The following RNF14 variants were observed in gnomAD, a reference collection of about 807,000 sequenced individuals.
The protein encoded by RNF14 is ring finger protein 14, also known as E3 ubiquitin-protein ligase RNF14.
In RNF14, 26 loss-of-function variants were observed where a neutral mutation model predicts 52.6. That is an observed-to-expected ratio of 0.49 (90% CI 0.36 to 0.69). The LOEUF (loss-of-function observed/expected upper bound fraction) is 0.69. Among genes scored for constraint, RNF14 ranks in the 30% least tolerant of loss-of-function variants. The pLI is 0.00. For synonymous variants in RNF14, 194 were observed against 202.0 expected, an observed-to-expected ratio of 0.96 and a Z score of 0.34; for missense variants, 404 against 560.4, an observed-to-expected ratio of 0.72 and a Z score of 2.82.
At chr5:141,979,087 A>C (rs987611864) in intron 5 of RNF14, among the ~76,000 whole-genome samples, 1 of 152,230 alleles carries the variant, frequency 6.6e-6, no homozygotes, top group Non-Finnish European at 1.5e-5. Context: ...TTTACTTTGT[A>C]TATCTGCTAG....
chr5:141,975,924 CAAA>C (rs5871799), intron 4 of RNF14, among the ~76,000 whole-genome samples: 52 of 131,102 alleles, frequency 4.0e-4, no homozygotes, highest in Admixed American at 4.6e-4. Context: ...GACCCTGTCT[CAAA>C]AAAAAAAAAA....
At chr5:141,976,329 A>G (rs141060768) in intron 4 of RNF14, among the ~76,000 whole-genome samples, 5 of 152,312 alleles carry the variant, frequency 3.3e-5, no homozygotes, top group Non-Finnish European at 5.9e-5. Flanking sequence ...GTGCATGCAC[A>G]CACACGCACA....
chr5:141,987,500 G>T (rs1441068964), intron 8 of RNF14, among the ~76,000 whole-genome samples: 1 of 152,164 alleles, frequency 6.6e-6, no homozygotes, highest in East Asian at 1.9e-4. Context: ...TTCTAGGCCA[G>T]TGGGAATGGA....
intron 8 of RNF14, among the ~76,000 whole-genome samples, chr5:141,985,171 G>T (rs1462554922): frequency 6.6e-6 from 1 of 152,140 alleles, no homozygotes; most frequent in East Asian, 1.9e-4. Flanking sequence ...TGAAAGGATA[G>T]GACTATGAAT....
chr5:141,979,544 T>G (rs589674), intron 5 of RNF14, among the ~76,000 whole-genome samples: 130,598 of 152,188 alleles, frequency 0.86, 56,162 homozygotes, highest in East Asian at 0.98. Context: ...GAGCCACTGC[T>G]CCTGGCCAGT....
At chr5:141,963,403 T>A (rs1163415061), upstream of RNF14, among the ~76,000 whole-genome samples, 1 of 151,988 alleles carries the variant, frequency 6.6e-6, no homozygotes, top group Non-Finnish European at 1.5e-5. Flanking sequence ...TTAAGAATTT[T>A]GGTTTGCACA....
At chr5:141,951,738 A>G in the RNF14 span, 1 of 670,618 alleles carries the variant, frequency 1.5e-6, no homozygotes, top group African/African-American at 1.8e-5. Flanking sequence ...GATGGTGCCC[A>G]GTGACAGAGA....
rs1311720866 is a variant in RNF14, at chr5:141,989,674, CAG to C, written c.*1887_*1888del. 3.1e-5 allele frequency: 4 copies of C among 130,636 alleles called. No individual in the cohort carries two copies. Among genetic ancestry groups the C allele is most frequent in the South Asian group, 2.7e-4 (1 of 3,756 alleles). The allele number at this position is 130,636 out of a possible 1,614,324, so 8.1% of individuals were successfully genotyped here. A position where few individuals can be genotyped will look rare whatever the true frequency, so the allele number is the denominator to read the frequency against. Reference sequence around the variant, plus strand: ...CGCCACTGCACTCCAGCCTGAGCGACAGAGCGAGACTCCTTCTCAAAAAAAAA... The same window carrying C: ...CGCCACTGCACTCCAGCCTGAGCGACAGCGAGACTCCTTCTCAAAAAAAAA... On this transcript the variant is annotated 3_prime_UTR_variant, in exon 9 of 9. Coordinates refer to ENST00000394520, the MANE Select transcript of RNF14 (RefSeq NM_004290.5).
intron 7 of RNF14, 136 bp from the exon 8 acceptor site, chr5:141,984,667 G>A (rs1755081180): frequency 2.9e-6 from 2 of 681,334 alleles, no homozygotes; most frequent in Non-Finnish European, 5.0e-6. Flanking sequence ...AGTCATCAGT[G>A]TGTTACATTG....
chr5:141,973,578 T>C lies in RNF14; in HGVS notation c.-6-5T>C. 1.2e-6 allele frequency: 2 copies of C among 1,605,260 alleles called. No individual in the cohort carries two copies. The highest frequency in any genetic ancestry group is 1.7e-6 in the Non-Finnish European group (2 of 1,177,334). On this transcript the variant is annotated splice_polypyrimidine_tract_variant and splice_region_variant and intron_variant, in intron 2 of 8. Transcript: ENST00000394520. The stretch of plus-strand genomic sequence containing the variant: ...TCTGTTCTTAACTGATTTTAATGTT[T>C]TCAGGTCCTTATGTCGTCAGAAGAT...
the RNF14 span, chr5:141,949,382 G>A: frequency 6.4e-7 from 1 of 1,561,492 alleles, no homozygotes; most frequent in Non-Finnish European, 8.7e-7. Context: ...TCTGAAGCTT[G>A]GACACCATGG....
upstream of RNF14, chr5:141,957,708 C>T: frequency 1.2e-6 from 2 of 1,614,134 alleles, no homozygotes; most frequent in Non-Finnish European, 1.7e-6. The surrounding 1 kb of genome is among the most constrained non-coding windows in gnomAD (Gnocchi z 4.3). Context: ...CCTGGGACAG[C>T]TTCCCGATCA....
At chr5:141,972,700 C>A (rs1753888927) in intron 2 of RNF14, among the ~76,000 whole-genome samples, 1 of 152,122 alleles carries the variant, frequency 6.6e-6, no homozygotes, top group Non-Finnish European at 1.5e-5. Flanking sequence ...AAGCAGTTCT[C>A]CTGCCTCAAC....
At chr5:141,951,506 G>T in the RNF14 span, 2 of 1,613,938 alleles carry the variant, frequency 1.2e-6, no homozygotes, top group African/African-American at 1.3e-5. Flanking sequence ...CTGCCTCCTG[G>T]CTTGGCCAAG....
chr5:141,979,679 C>G (rs748837727), intron 5 of RNF14, among the ~76,000 whole-genome samples: 3 of 152,148 alleles, frequency 2.0e-5, no homozygotes, highest in Non-Finnish European at 4.4e-5. Flanking sequence ...AGGAGGATCG[C>G]TTGAGGCTAG....
At chr5:141,963,684 T>C (rs1278081127), upstream of RNF14, among the ~76,000 whole-genome samples, 1 of 152,212 alleles carries the variant, frequency 6.6e-6, no homozygotes, top group Non-Finnish European at 1.5e-5. Context: ...ACAAGGTCAT[T>C]TTTTTGGCAA....
At chr5:141,977,177 C>T (rs1161743217) in intron 4 of RNF14, among the ~76,000 whole-genome samples, 2 of 152,242 alleles carry the variant, frequency 1.3e-5, no homozygotes, top group East Asian at 3.8e-4. Flanking sequence ...ACACAGCACT[C>T]ATAGCTTCCC....
the RNF14 span, chr5:141,951,390 G>A: frequency 1.3e-5 from 11 of 844,576 alleles, no homozygotes; most frequent in Admixed American, 3.7e-5. Flanking sequence ...CCAGGGGACC[G>A]GTGTCTGACT....
upstream of RNF14, among the ~76,000 whole-genome samples, chr5:141,954,112 T>G (rs1262177460): frequency 9.4e-6 from 1 of 106,156 alleles, no homozygotes; most frequent in East Asian, 6.0e-4. Flanking sequence ...ATCCCCATTT[T>G]ATAGATGAGG....
Sources: allele counts gnomAD v4.1 joint callset (sites outside exome capture counted in the v4.1 genomes callset), GRCh38; gene constraint gnomAD v4.1.1; non-coding constraint Gnocchi (gnomAD v3.1); transcripts MANE v1.5; gene names NCBI Gene and HGNC (gene_info 2026-07-23, HGNC 2026-07-21).